Variants in INPP5A observed in about 807,000 individuals in gnomAD.
INPP5A encodes the protein 43 kDa inositol polyphosphate 5-phophatase.
In INPP5A, 14 loss-of-function variants were observed where a neutral mutation model predicts 65.2. The observed-to-expected ratio is 0.21, with a 90% CI of 0.14 to 0.34. The LOEUF is 0.34. Among genes scored for constraint, INPP5A ranks in the 10% least tolerant of loss-of-function variants. INPP5A has a pLI of 1.00. For missense variants in INPP5A, 431 were observed against 545.6 expected (o/e 0.79, Z 2.09); for synonymous variants, 207 against 208.3 (o/e 0.99, Z 0.05).
rs1272200651 is a variant in INPP5A, at chr10:132,644,694, C to T, written c.118-1174C>T. 6.6e-6 allele frequency among the ~76,000 whole-genome samples: 1 copy of T among 152,244 alleles called. No individual in the cohort carries two copies. Among genetic ancestry groups the T allele is most frequent in the Non-Finnish European group, 1.5e-5 (1 of 68,038 alleles). ...TTTGGGCCCTCAGTGGCTGTTGTAG[C>T]ACCACCACCCCGGCACCAGACAGAG... On this transcript the variant is annotated intron_variant, in intron 2 of 15. Coordinates refer to ENST00000368594, the MANE Select transcript of INPP5A (RefSeq NM_005539.5). The surrounding 1 kb of genome is among the most constrained non-coding windows in gnomAD (Gnocchi z 6.5).
At chr10:132,595,130 C>T (rs369313600) in intron 1 of INPP5A, among the ~76,000 whole-genome samples, 4 of 152,176 alleles carry the variant, frequency 2.6e-5, no homozygotes, top group South Asian at 2.1e-4. Flanking sequence ...GTGCTGACAG[C>T]GCTCGGCATG....
intron 9 of INPP5A, among the ~76,000 whole-genome samples, chr10:132,748,744 C>T (rs1000486154): frequency 3.3e-5 from 5 of 152,228 alleles, no homozygotes; most frequent in African/African-American, 1.2e-4. Context: ...CACTCAGCCT[C>T]CCTCTCCTCT....
At chr10:132,658,033 T>A (rs1346470459) in intron 4 of INPP5A, among the ~76,000 whole-genome samples, 3 of 152,250 alleles carry the variant, frequency 2.0e-5, no homozygotes, top group Admixed American at 6.5e-5. Context: ...GAAACTGTCA[T>A]ATCGATCTTT....
chr10:132,763,654 CACAT>C lies in INPP5A; in HGVS notation c.904-2118_904-2115del, dbSNP rs1351035935. On this transcript the variant is annotated intron_variant, in intron 11 of 15. Coordinates refer to ENST00000368594, the MANE Select transcript of INPP5A (RefSeq NM_005539.5). ...ACATAAACATGCCTGCATGCACACA[CACAT>C]GCCTGTGCACACATAAACACGTGCC... Among the ~76,000 whole-genome samples the C allele has an allele frequency of 5.8e-5, 8 of 139,038 alleles. 1 individual carries two copies. In the East Asian group the frequency reaches 1.5e-3, roughly 26 times the overall value. The allele number at this position is 139,038 out of a possible 152,430, so 91.2% of individuals were successfully genotyped here.
At chr10:132,539,080 C>T (rs1187628246) in intron 1 of INPP5A, among the ~76,000 whole-genome samples, 1 of 152,162 alleles carries the variant, frequency 6.6e-6, no homozygotes, top group Non-Finnish European at 1.5e-5. Context: ...AAGCTCCTGC[C>T]CCTGAATCCT....
chr10:132,541,714 G>A (rs1244364223), intron 1 of INPP5A, among the ~76,000 whole-genome samples: 1 of 152,234 alleles, frequency 6.6e-6, no homozygotes, highest in Non-Finnish European at 1.5e-5. Context: ...GAGACAGTGA[G>A]AATGGAAAGA....
In INPP5A at chr10:132,583,563, AT is replaced by A. The variant is rs1004387648; in HGVS notation, c.76-24351del. 1.4e-4 allele frequency among the ~76,000 whole-genome samples: 22 copies of A among 152,084 alleles called. No individual in the cohort carries two copies. The Middle Eastern group carries it at 0.014, about 94-fold the overall frequency. Reference sequence around the variant, plus strand: ...TGTCATTGTTCCTTTAAAAAAAAAAATGTCCTTTATCAAAGGGAGGAGGTTT... The same window carrying A: ...TGTCATTGTTCCTTTAAAAAAAAAAAGTCCTTTATCAAAGGGAGGAGGTTT... On this transcript the variant is annotated intron_variant, in intron 1 of 15. Coordinates refer to ENST00000368594, the MANE Select transcript of INPP5A (RefSeq NM_005539.5).
At position 132,639,767 on chromosome 10, in the gene INPP5A, C is replaced by T. The variant is rs553120889; in HGVS notation, c.118-6101C>T. On this transcript the variant is annotated intron_variant, in intron 2 of 15. Coordinates refer to ENST00000368594, the MANE Select transcript of INPP5A (RefSeq NM_005539.5). Reference sequence around the variant, plus strand: ...GAGGCTCTGCTGGCTTTTGCTGAACCTTTGTGCTTTCTGTTCTTTGATTTC... The same window carrying T: ...GAGGCTCTGCTGGCTTTTGCTGAACTTTTGTGCTTTCTGTTCTTTGATTTC... Among the ~76,000 whole-genome samples, 51 of 152,274 alleles carry T rather than the reference C, an allele frequency of 3.3e-4. 2 individuals are homozygous for T. In the South Asian group the frequency reaches 9.5e-3, roughly 28 times the overall value.
chr10:132,747,509 C>T (rs1387226969), intron 9 of INPP5A, among the ~76,000 whole-genome samples: 1 of 152,246 alleles, frequency 6.6e-6, no homozygotes, highest in Non-Finnish European at 1.5e-5. Context: ...TGCCGAAGGG[C>T]TCCAGAGTTC....
rs200467339 is a variant in INPP5A at position 132,756,165 on chromosome 10, T to TG, written c.903+6328dup. On this transcript the variant is annotated intron_variant, in intron 11 of 15. Transcript: ENST00000368594. ...CAGGAATTGAAGAGAAAAGCAAGTG[T>TG]GGGGGGGGAGTGTGTGTGTGTACAC... is the stretch of plus-strand genomic sequence containing the variant. Among the ~76,000 whole-genome samples, 163 of 151,532 alleles carry TG rather than the reference T, an allele frequency of 1.1e-3. 1 individual carries two copies. Among genetic ancestry groups the TG allele is most frequent in the Middle Eastern group, 3.4e-3 (1 of 292 alleles).
chr10:132,767,414 G>A (rs186119056), intron 12 of INPP5A, among the ~76,000 whole-genome samples: 4 of 152,282 alleles, frequency 2.6e-5, no homozygotes, highest in East Asian at 1.9e-4. Context: ...TGAAAGTGAC[G>A]GAGCACTTTG....
intron 2 of INPP5A, among the ~76,000 whole-genome samples, chr10:132,628,908 C>T (rs576771701): frequency 6.6e-6 from 1 of 152,180 alleles, no homozygotes; most frequent in East Asian, 1.9e-4. Context: ...TTTTATTTCA[C>T]CCAGTGTATC....
intron 4 of INPP5A, among the ~76,000 whole-genome samples, chr10:132,690,183 G>A (rs1399449844): frequency 1.3e-5 from 2 of 152,254 alleles, no homozygotes; most frequent in African/African-American, 4.8e-5. Context: ...GCGGCTGCAC[G>A]GCTCACCGCA....
intron 8 of INPP5A, among the ~76,000 whole-genome samples, chr10:132,723,094 G>A (rs1845915986): frequency 6.6e-6 from 1 of 152,230 alleles, no homozygotes; most frequent in African/African-American, 2.4e-5. Context: ...AGCAGGGCGA[G>A]GAAGTGTGAT....
At chr10:132,711,014 A>C (rs1011809638) in intron 8 of INPP5A, among the ~76,000 whole-genome samples, 2 of 152,168 alleles carry the variant, frequency 1.3e-5, no homozygotes, top group Non-Finnish European at 2.9e-5. Flanking sequence ...CAGAGCCCCC[A>C]AGCCCTGGCA....
rs569927015 is a variant in INPP5A at position 132,684,358 on chromosome 10, C to T, written c.307-6034C>T. On this transcript the variant is annotated intron_variant, in intron 4 of 15. Coordinates refer to ENST00000368594, the MANE Select transcript of INPP5A (RefSeq NM_005539.5). ...GAGAGAGGTCTGTGTGTGCATTCCA[C>T]GTGTGTATACAGACATATGTATGTC... is the stretch of plus-strand genomic sequence containing the variant. Among the ~76,000 whole-genome samples the T allele has an allele frequency of 1.1e-3, 172 of 152,286 alleles. 2 individuals carry two copies. Among genetic ancestry groups the T allele is most frequent in the African/African-American group, 4.0e-3 (167 of 41,540 alleles).
rs1442197426 is a variant in INPP5A, at chr10:132,727,008, G to A, written c.732+103G>A. 12 of 700,064 alleles carry A rather than the reference G, an allele frequency of 1.7e-5. No homozygotes were observed. The highest frequency in any genetic ancestry group is 3.8e-4 in the Middle Eastern group (1 of 2,630). 43.4% of individuals were successfully genotyped at this position (700,064 alleles called of 1,614,324 possible). On this transcript the variant is annotated intron_variant, in intron 9 of 15. Coordinates refer to ENST00000368594, the MANE Select transcript of INPP5A (RefSeq NM_005539.5). This position sits in a 1 kb window ranked among gnomAD's most constrained non-coding sequence, Gnocchi z 6.5. ...CTTACTGGCACTTTCAATGCCATCC[G>A]CCTCCCGGGATGCACTTTTTAAGGC...
chr10:132,647,644 G>A (rs987263971), intron 3 of INPP5A, among the ~76,000 whole-genome samples: 4 of 152,120 alleles, frequency 2.6e-5, no homozygotes, highest in African/African-American at 7.2e-5. Context: ...AGGCAGGTGC[G>A]CAGCCCAGAG....
chr10:132,563,669 G>A (rs528744460), intron 1 of INPP5A, among the ~76,000 whole-genome samples: 3 of 151,946 alleles, frequency 2.0e-5, no homozygotes, highest in Middle Eastern at 3.4e-3. Context: ...AAAAATTAAA[G>A]GAAAGAGAGA....
Sources: allele counts gnomAD v4.1 joint callset (sites outside exome capture counted in the v4.1 genomes callset), GRCh38; gene constraint gnomAD v4.1.1; non-coding constraint Gnocchi (gnomAD v3.1); transcripts MANE v1.5; gene names NCBI Gene and HGNC (gene_info 2026-07-23, HGNC 2026-07-21).